Variants in NEDD9 observed in about 807,000 individuals in gnomAD.
The protein encoded by NEDD9 is neural precursor cell expressed, developmentally down-regulated 9.
In NEDD9, 26 loss-of-function variants were observed where a neutral mutation model predicts 76.6. The observed-to-expected ratio is 0.34, with a 90% confidence interval of 0.25 to 0.47. The LOEUF (loss-of-function observed/expected upper bound fraction) is 0.47. Among genes scored for constraint, NEDD9 ranks in the 20% least tolerant of loss-of-function variants. The pLI is 1.00. For missense variants in NEDD9, 937 were observed against 1,058.5 expected (o/e 0.89, Z 1.59); for synonymous variants, 392 against 414.2 (o/e 0.95, Z 0.65).
intron 2 of NEDD9, among the ~76,000 whole-genome samples, chr6:11,312,446 T>A (rs904544024): frequency 3.9e-5 from 6 of 152,144 alleles, no homozygotes; most frequent in Non-Finnish European, 5.9e-5. Context: ...CTGTCCCTAC[T>A]GCTGTCATGT....
chr6:11,276,676 T>A (rs1459216766), intron 3 of NEDD9, among the ~76,000 whole-genome samples: 1 of 152,094 alleles, frequency 6.6e-6, no homozygotes, highest in East Asian at 1.9e-4. Flanking sequence ...GTTCCCTGAT[T>A]CTGATGCTTT....
Position 11,215,010 on chromosome 6 carries a change from C to T in NEDD9, c.13-1283G>A, listed in dbSNP as rs547964393. Among the ~76,000 whole-genome samples the T allele has an allele frequency of 8.5e-5, 13 of 152,314 alleles. No individual in the cohort carries two copies. In the East Asian group the frequency reaches 1.3e-3, roughly 16 times the overall value. On this transcript the variant is annotated intron_variant, in intron 1 of 6. Transcript: ENST00000379446. ...CAACGTGGACTTGATCATTCAGCCT[C>T]GTGCTTTTCATTTCTTTGCAGCTGA...
chr6:11,342,206 C>T (rs77645873), intron 1 of NEDD9, among the ~76,000 whole-genome samples: 182 of 152,122 alleles, frequency 1.2e-3, no homozygotes, highest in Non-Finnish European at 2.3e-3. Context: ...GGAACAATAT[C>T]AGACAGTCTA....
At chr6:11,320,651 A>G (rs563655390) in intron 2 of NEDD9, among the ~76,000 whole-genome samples, 1 of 152,342 alleles carries the variant, frequency 6.6e-6, no homozygotes, top group East Asian at 1.9e-4. Flanking sequence ...AATTTTTGTT[A>G]ATAGAGGATT....
chr6:11,291,305 C>G (rs2327395), intron 3 of NEDD9, among the ~76,000 whole-genome samples: 1 of 131,146 alleles, frequency 7.6e-6, no homozygotes, highest in Non-Finnish European at 1.6e-5. Flanking sequence ...GACGGAGTCT[C>G]GCTCTGTCGC....
chr6:11,248,002 T>A (rs72827168), intron 3 of NEDD9, among the ~76,000 whole-genome samples: 20,101 of 152,024 alleles, frequency 0.13, 1,477 homozygotes, highest in African/African-American at 0.19. Context: ...AGGCCAGGTA[T>A]ATTATCTTCA....
chr6:11,204,476 C>T (rs537254921), intron 2 of NEDD9, among the ~76,000 whole-genome samples: 2 of 152,204 alleles, frequency 1.3e-5, no homozygotes, highest in South Asian at 4.1e-4. Flanking sequence ...AATCCCAGCA[C>T]TTTGGGAGGC....
At chr6:11,361,034 T>C (rs1762672379) in intron 1 of NEDD9, among the ~76,000 whole-genome samples, 1 of 152,250 alleles carries the variant, frequency 6.6e-6, no homozygotes, top group African/African-American at 2.4e-5. Context: ...TGGTACATTT[T>C]TCTTATTGCC....
At chr6:11,245,890 G>T (rs1026202925) in intron 3 of NEDD9, among the ~76,000 whole-genome samples, 1 of 151,742 alleles carries the variant, frequency 6.6e-6, no homozygotes, top group Non-Finnish European at 1.5e-5. Context: ...GCCATAAGAT[G>T]GAATAAGTCT....
chr6:11,287,390 T>C (rs1216030546), intron 3 of NEDD9, among the ~76,000 whole-genome samples: 1 of 152,114 alleles, frequency 6.6e-6, no homozygotes, highest in Non-Finnish European at 1.5e-5. Context: ...ATGGTGTCAC[T>C]GTATGCCAGT....
chr6:11,366,990 TGAAGAGATA>T (rs1762781949), intron 1 of NEDD9, among the ~76,000 whole-genome samples: 2 of 152,242 alleles, frequency 1.3e-5, no homozygotes, highest in African/African-American at 4.8e-5. Flanking sequence ...GCACCAAGAT[TGAAGAGATA>T]AATCAAACAT....
chr6:11,232,700 C>T (rs1437208102), upstream of NEDD9: 3 of 1,445,106 alleles, frequency 2.1e-6, no homozygotes, highest in Non-Finnish European at 2.7e-6. Context: ...GCAGGCTGAT[C>T]GCGGACCTCA....
At chr6:11,364,919 T>C (rs560335443) in intron 1 of NEDD9, among the ~76,000 whole-genome samples, 1 of 152,238 alleles carries the variant, frequency 6.6e-6, no homozygotes, top group Admixed American at 6.5e-5. Flanking sequence ...GCCTCTGCAT[T>C]TCCTCTCCTC....
At position 11,220,653 on chromosome 6, in the gene NEDD9, G is replaced by A. The variant is rs551475929; in HGVS notation, c.13-6926C>T. Among the ~76,000 whole-genome samples the A allele has an allele frequency of 2.6e-5, 4 of 152,310 alleles. No homozygotes were observed. In the South Asian group the frequency reaches 6.2e-4, roughly 24 times the overall value. ...ATTTTGGTGGCTCATATACCAAAGT[G>A]AAGTTACTTTTTGAGGACTGGTGAA... On this transcript the variant is annotated intron_variant, in intron 1 of 6. Coordinates refer to ENST00000379446, the MANE Select transcript of NEDD9 (RefSeq NM_006403.4).
chr6:11,361,572 A>T (rs1224227049), intron 1 of NEDD9, among the ~76,000 whole-genome samples: 1 of 151,790 alleles, frequency 6.6e-6, no homozygotes, highest in Non-Finnish European at 1.5e-5. Flanking sequence ...TGATCCAAAC[A>T]CCTCCTACCA....
chr6:11,347,806 G>C (rs1159959594), intron 1 of NEDD9, among the ~76,000 whole-genome samples: 1 of 152,070 alleles, frequency 6.6e-6, no homozygotes, highest in African/African-American at 2.4e-5. Context: ...AATAATAAGA[G>C]CCATCTGTGA....
chr6:11,187,448 T>C (rs1758007678), intron 6 of NEDD9, among the ~76,000 whole-genome samples: 1 of 152,160 alleles, frequency 6.6e-6, no homozygotes, highest in African/African-American at 2.4e-5. Context: ...GTTGAAAACA[T>C]TGAATTCTGC....
intron 1 of NEDD9, among the ~76,000 whole-genome samples, chr6:11,368,399 G>GAAT (rs1475902866): frequency 2.6e-5 from 4 of 152,122 alleles, no homozygotes; most frequent in Non-Finnish European, 4.4e-5. Flanking sequence ...ATTCCTGAAT[G>GAAT]AGTCACACCG....
In NEDD9 at chr6:11,307,632, T is replaced by TTA. The variant is rs141347580; in HGVS notation, c.-152-1479_-152-1478dup. Among the ~76,000 whole-genome samples, 908 of 150,656 alleles carry TTA rather than the reference T, an allele frequency of 6.0e-3. 5 individuals are homozygous for TTA. The highest frequency in any genetic ancestry group is 0.011 in the African/African-American group (442 of 41,150). On this transcript the variant is annotated intron_variant, in intron 2 of 3. Transcript: ENST00000397378. ...ATACCATAAACTACAGTACCAGAAA[T>TTA]TATATATATATATATACACACACAC...
Sources: gnomAD v4.1 joint callset for allele counts (sites outside exome capture counted in the v4.1 genomes callset) on GRCh38, gnomAD v4.1.1 for gene constraint, MANE v1.5 for transcripts, NCBI Gene and HGNC (gene_info 2026-07-23, HGNC 2026-07-21) for gene names.